Variants in EPAS1 observed in about 807,000 individuals in gnomAD.
The protein encoded by EPAS1 is endothelial PAS domain protein 1.
In EPAS1, 23 loss-of-function variants were observed where a neutral mutation model predicts 87.9. That is an observed-to-expected ratio of 0.26 (90% confidence interval 0.19 to 0.37). EPAS1 has a LOEUF of 0.37. Ranked by LOEUF, EPAS1 falls within the 10% of genes least tolerant of loss-of-function variation. The pLI is 1.00. For missense variants in EPAS1, 1,138 were observed against 1,120.7 expected (o/e 1.02, Z -0.22); for synonymous variants, 508 against 444.3 (o/e 1.14, Z -1.80).
At chr2:46,359,516 T>C (rs930350614) in intron 4 of EPAS1, among the ~76,000 whole-genome samples, 3 of 152,168 alleles carry the variant, frequency 2.0e-5, no homozygotes, top group African/African-American at 7.2e-5. Context: ...GGTTTTATAA[T>C]CGTGATGAAG....
At chr2:46,298,649 C>G (rs572844604) in intron 1 of EPAS1, among the ~76,000 whole-genome samples, 10 of 152,358 alleles carry the variant, frequency 6.6e-5, no homozygotes, top group African/African-American at 1.9e-4. Flanking sequence ...CCTGGCAGGT[C>G]CGGGTGTCTG....
intron 2 of EPAS1, among the ~76,000 whole-genome samples, chr2:46,348,081 G>A (rs1684071099): frequency 6.6e-6 from 1 of 152,192 alleles, no homozygotes; most frequent in South Asian, 2.1e-4. Context: ...GGAATCCAGT[G>A]TGAGGCTGGG....
intron 7 of EPAS1, among the ~76,000 whole-genome samples, chr2:46,370,469 G>A (rs1684606011): frequency 6.6e-6 from 1 of 152,174 alleles, no homozygotes; most frequent in African/African-American, 2.4e-5. Flanking sequence ...ATATGTTGAG[G>A]TAGGCCACAG....
intron 1 of EPAS1, among the ~76,000 whole-genome samples, chr2:46,343,849 G>T (rs1410312738): frequency 6.6e-6 from 1 of 152,230 alleles, no homozygotes; most frequent in Non-Finnish European, 1.5e-5. Flanking sequence ...TGATTAGCTG[G>T]GTTGCTCTAG....
chr2:46,342,997 AC>A (rs1022187788), intron 1 of EPAS1, among the ~76,000 whole-genome samples: 1 of 152,116 alleles, frequency 6.6e-6, no homozygotes, highest in African/African-American at 2.4e-5. Flanking sequence ...GGGAAAAAAA[AC>A]AAACCCAAAA....
intron 1 of EPAS1, among the ~76,000 whole-genome samples, chr2:46,306,324 G>A (rs376021323): frequency 6.6e-6 from 1 of 152,168 alleles, no homozygotes; most frequent in Non-Finnish European, 1.5e-5. Context: ...AAGAAGACCA[G>A]CATGCTTTCC....
chr2:46,297,924 AAGG>A lies in EPAS1; in HGVS notation c.16_18del (p.Glu6del). On this transcript the variant is annotated inframe_deletion, in exon 1 of 16. Transcript: ENST00000263734. Reference sequence around the variant, plus strand: ...GGCCACAGCGACAATGACAGCTGACAAGGAGAAGAAAAGGTAAGCGGGCGTCCG... The same window carrying A: ...GGCCACAGCGACAATGACAGCTGACAAGAAGAAAAGGTAAGCGGGCGTCCG... The A allele has an allele frequency of 1.9e-6, 3 of 1,612,426 alleles. No homozygotes were observed. Among genetic ancestry groups the A allele is most frequent in the South Asian group, 2.2e-5 (2 of 90,942 alleles).
chr2:46,331,602 C>G (rs998432712), intron 1 of EPAS1, among the ~76,000 whole-genome samples: 1 of 152,198 alleles, frequency 6.6e-6, no homozygotes, highest in African/African-American at 2.4e-5. Flanking sequence ...TCAGACGTCA[C>G]TCCAATGAAG....
chr2:46,319,914 G>A lies in EPAS1; in HGVS notation c.26+21977G>A, dbSNP rs1683419490. Among the ~76,000 whole-genome samples the A allele has an allele frequency of 3.9e-5, 6 of 152,332 alleles. No homozygotes were observed. In the East Asian group the frequency reaches 5.8e-4, roughly 15 times the overall value. ...TGGGAAAGCATGATAATGCCAGTCA[G>A]TTTAAACATATTTAAGAGTTCCCAG... On this transcript the variant is annotated intron_variant, in intron 1 of 15. Transcript: ENST00000263734.
chr2:46,329,811 C>T (rs949270447), intron 1 of EPAS1, among the ~76,000 whole-genome samples: 5 of 152,104 alleles, frequency 3.3e-5, no homozygotes, highest in African/African-American at 1.2e-4. Context: ...AGCAAGACTC[C>T]ATCTCAAAAC....
intron 4 of EPAS1, among the ~76,000 whole-genome samples, chr2:46,358,914 T>C (rs978787746): frequency 6.6e-6 from 1 of 152,040 alleles, no homozygotes; most frequent in Non-Finnish European, 1.5e-5. Context: ...AATGGGGAGC[T>C]ATTGAAGGTT....
At chr2:46,320,297 C>T (rs1200683855) in intron 1 of EPAS1, among the ~76,000 whole-genome samples, 1 of 152,164 alleles carries the variant, frequency 6.6e-6, no homozygotes, top group African/African-American at 2.4e-5. Context: ...TGGTAGGGTA[C>T]TTGCCATGTG....
At chr2:46,361,219 C>T (rs985155032) in intron 6 of EPAS1, 129 bp downstream of exon 6, 1 of 1,014,484 alleles carries the variant, frequency 9.9e-7, no homozygotes, top group African/African-American at 1.6e-5. Context: ...GTTCGTGGAC[C>T]TGTGCCACTG....
rs1682983345 is a variant in EPAS1, at chr2:46,300,952, G to T, written c.26+3015G>T. Among the ~76,000 whole-genome samples, 1 of 152,100 alleles carries T rather than the reference G, an allele frequency of 6.6e-6. No homozygotes were observed. Among genetic ancestry groups the T allele is most frequent in the South Asian group, 2.1e-4 (1 of 4,826 alleles). ...ACTCTGAAGGGAAAAAATATTGCTG[G>T]ACAGTTTCTCTCAATTTAAACATAT... On this transcript the variant is annotated intron_variant, in intron 1 of 15. Coordinates refer to ENST00000263734, the MANE Select transcript of EPAS1 (RefSeq NM_001430.5). This position sits in a 1 kb window ranked among gnomAD's most constrained non-coding sequence, Gnocchi z 4.1.
chr2:46,368,297 A>G (rs1212987451), intron 6 of EPAS1, among the ~76,000 whole-genome samples: 2 of 152,092 alleles, frequency 1.3e-5, no homozygotes, highest in African/African-American at 4.8e-5. Flanking sequence ...CTTGGAGAAG[A>G]GGGGAGAAGA....
chr2:46,303,589 C>T (rs555910075), intron 1 of EPAS1, among the ~76,000 whole-genome samples: 59 of 152,246 alleles, frequency 3.9e-4, no homozygotes, highest in African/African-American at 1.4e-3. Context: ...CCAGGAAGGC[C>T]AAGAAGGGAG....
In EPAS1 at chr2:46,303,583, G is replaced by C. The variant is rs866649096; in HGVS notation, c.26+5646G>C. Among the ~76,000 whole-genome samples the C allele has an allele frequency of 5.9e-5, 9 of 152,294 alleles. No homozygotes were observed. In the South Asian group the frequency reaches 6.2e-4, roughly 11 times the overall value. Reference sequence around the variant, plus strand: ...TCAGTGGAGACAGCTATGACTCCAGGAAGGCCAAGAAGGGAGAGGGAGCTT... The same window carrying C: ...TCAGTGGAGACAGCTATGACTCCAGCAAGGCCAAGAAGGGAGAGGGAGCTT... On this transcript the variant is annotated intron_variant, in intron 1 of 15. Transcript: ENST00000263734.
Position 46,371,475 on chromosome 2 carries a change from G to A in EPAS1, c.886+1542G>A, listed in dbSNP as rs1448460235. On this transcript the variant is annotated intron_variant, in intron 7 of 15. Coordinates refer to ENST00000263734, the MANE Select transcript of EPAS1 (RefSeq NM_001430.5). This position sits in a 1 kb window ranked among gnomAD's most constrained non-coding sequence, Gnocchi z 4.3. ...GTGCTCTCTGGCAAAACACACACGC[G>A]CACACACAGACACACACACACAAAC... Among the ~76,000 whole-genome samples the A allele has an allele frequency of 2.0e-5, 3 of 152,006 alleles. No individual in the cohort carries two copies. Among genetic ancestry groups the A allele is most frequent in the Non-Finnish European group, 4.4e-5 (3 of 67,992 alleles).
At chr2:46,316,470 A>G (rs984421070) in intron 1 of EPAS1, among the ~76,000 whole-genome samples, 1 of 152,222 alleles carries the variant, frequency 6.6e-6, no homozygotes, top group Non-Finnish European at 1.5e-5. Context: ...CATGTTGGCC[A>G]GGCTGGTCTC....
Sources: gnomAD v4.1 joint callset for allele counts (sites outside exome capture counted in the v4.1 genomes callset) on GRCh38, gnomAD v4.1.1 for gene constraint, Gnocchi (gnomAD v3.1) non-coding constraint, MANE v1.5 for transcripts, NCBI Gene and HGNC (gene_info 2026-07-23, HGNC 2026-07-21) for gene names.